Variants in CEP41 observed in about 807,000 individuals in gnomAD.
CEP41 encodes centrosomal protein of 41 kDa.
CEP41 carries 32 observed loss-of-function variants against 44.3 expected under a neutral mutation model. The ratio of observed to expected loss-of-function variants is 0.72; its 90% CI spans 0.54 to 0.97. The LOEUF (loss-of-function observed/expected upper bound fraction) is 0.97, where lower values mean the gene tolerates loss of function less well. CEP41 is among the 50% of genes least tolerant of loss of function. The probability of loss-of-function intolerance (pLI) is 0.00; values close to 1 mark genes in which losing one functional copy is unlikely to be tolerated. For missense variants in CEP41, 432 were observed against 455.2 expected (o/e 0.95, Z 0.46); for synonymous variants, 151 against 168.5 (o/e 0.90, Z 0.80).
chr7:130,425,628 T>G (rs1554423208), intron 2 of CEP41, among the ~76,000 whole-genome samples: 1 of 152,230 alleles, frequency 6.6e-6, no homozygotes, highest in East Asian at 1.9e-4. Flanking sequence ...AACTACATTG[T>G]GACCAGCAGT....
chr7:130,401,071 A>G (rs111795030), intron 8 of CEP41: 489 of 477,786 alleles, frequency 1.0e-3, no homozygotes, highest in Non-Finnish European at 1.7e-3. Context: ...CGGACTTTAC[A>G]TCCTTTAGCT....
At chr7:130,441,379 C>T (rs985989943), upstream of CEP41, 3 of 371,704 alleles carry the variant, frequency 8.1e-6, no homozygotes, top group Admixed American at 7.5e-5. Flanking sequence ...CTCCCCATCC[C>T]CCAGCTCCGT....
chr7:130,409,511 G>GT (rs1797111133), intron 5 of CEP41, among the ~76,000 whole-genome samples: 1 of 152,156 alleles, frequency 6.6e-6, no homozygotes, highest in South Asian at 2.1e-4. Context: ...AATTCCTGTC[G>GT]TTTTCAGATT....
Position 130,402,669 on chromosome 7 carries a change from G to C in CEP41, c.553C>G (p.Gln185Glu), listed in dbSNP as rs782587361. Reference protein sequence around the residue: ...LLDVRDRDSYQQCHIVGAYSY... With the variant: ...LLDVRDRDSYEQCHIVGAYSY... ...TTACCTCCAACAATGTGGCACTGCTGGTAAGAATCTCTATCACGCACATCT... is the reference window on the plus strand; with the variant it reads ...TTACCTCCAACAATGTGGCACTGCTCGTAAGAATCTCTATCACGCACATCT... Residue 185 changes from glutamine (Q) to glutamate (E), a missense_variant, in exon 7 of 11, where the codon CAG becomes GAG. By Grantham distance (29) the Gln-to-Glu change is conservative. Coordinates refer to ENST00000223208, the MANE Select transcript of CEP41 (RefSeq NM_018718.3). 8 of 1,614,132 alleles carry C rather than the reference G, an allele frequency of 5.0e-6. No homozygotes were observed. The highest frequency in any genetic ancestry group is 6.8e-6 in the Non-Finnish European group (8 of 1,180,006).
Position 130,393,953 on chromosome 7 carries a change from G to A in CEP41, c.*4938C>T. 2.2e-6 allele frequency: 1 copy of A among 454,118 alleles called. No individual in the cohort carries two copies. The highest frequency in any genetic ancestry group is 4.4e-6 in the Non-Finnish European group (1 of 226,800). The allele number at this position is 454,118 out of a possible 1,614,324, so 28.1% of individuals were successfully genotyped here. On this transcript the variant is annotated 3_prime_UTR_variant, in exon 11 of 11. Coordinates refer to ENST00000223208, the MANE Select transcript of CEP41 (RefSeq NM_018718.3). Reference sequence around the variant, plus strand: ...GAGCACCTGTCTTCAAGATAAGACAGCAGACACAGGCGGTGGAAATGTGGA... The same window carrying A: ...GAGCACCTGTCTTCAAGATAAGACAACAGACACAGGCGGTGGAAATGTGGA...
intron 3 of CEP41, among the ~76,000 whole-genome samples, chr7:130,416,622 C>T (rs1325377410): frequency 6.6e-6 from 1 of 152,198 alleles, no homozygotes; most frequent in Non-Finnish European, 1.5e-5. Context: ...GACTGCAGTA[C>T]AATGACACTA....
chr7:130,422,676 A>G (rs1287355869), intron 2 of CEP41, among the ~76,000 whole-genome samples: 2 of 152,154 alleles, frequency 1.3e-5, no homozygotes, highest in African/African-American at 4.8e-5. Flanking sequence ...TGAAACAACA[A>G]AAAAAATCGA....
In CEP41 at chr7:130,396,151, T is replaced by C. The variant is rs1266570278; in HGVS notation, c.*2740A>G. On this transcript the variant is annotated 3_prime_UTR_variant, in exon 11 of 11. Transcript: ENST00000223208. Reference sequence around the variant, plus strand: ...ACAAACCCCTTTAAAGCATTTAAGGTATTATTTAAACTTTGGCCATCACTG... The same window carrying C: ...ACAAACCCCTTTAAAGCATTTAAGGCATTATTTAAACTTTGGCCATCACTG... 5 of 453,928 alleles carry C rather than the reference T, an allele frequency of 1.1e-5. No individual in the cohort carries two copies. The highest frequency in any genetic ancestry group is 1.8e-5 in the Non-Finnish European group (4 of 226,792). 28.1% of individuals were successfully genotyped at this position (453,928 alleles called of 1,614,324 possible). A position where few individuals can be genotyped will look rare whatever the true frequency, so the allele number is the denominator to read the frequency against.
At chr7:130,399,495 T>G (rs1796776829) in intron 10 of CEP41, 2 of 226,684 alleles carry the variant, frequency 8.8e-6, no homozygotes, top group South Asian at 1.4e-4. Flanking sequence ...ACTCCTCAAT[T>G]TTACCTGAGA....
chr7:130,439,976 C>G (rs1798094254), intron 1 of CEP41, among the ~76,000 whole-genome samples: 1 of 152,216 alleles, frequency 6.6e-6, no homozygotes, highest in Non-Finnish European at 1.5e-5. Flanking sequence ...ACACTGTACT[C>G]AAATTCTGTT....
At chr7:130,401,986 C>G (rs1176888379) in intron 7 of CEP41, 38 bp from the exon 8 acceptor site, 6 of 1,425,658 alleles carry the variant, frequency 4.2e-6, no homozygotes, top group Non-Finnish European at 5.9e-6. Context: ...GTCTGTTGTT[C>G]TCTTAATACA....
intron 2 of CEP41, chr7:130,417,292 C>G (rs782668104): frequency 2.6e-4 from 296 of 1,130,682 alleles, no homozygotes; most frequent in Non-Finnish European, 3.1e-4. Context: ...CCTTTTATCT[C>G]CCCTGCCCCC....
chr7:130,410,493 T>C (rs1554419356), intron 5 of CEP41, among the ~76,000 whole-genome samples: 1 of 152,230 alleles, frequency 6.6e-6, no homozygotes, highest in Non-Finnish European at 1.5e-5. Flanking sequence ...CTTAGATTTG[T>C]AACTCAGGTC....
chr7:130,412,317 G>T (rs1797207810), intron 3 of CEP41, 77 bp from the exon 4 acceptor site: 1 of 770,852 alleles, frequency 1.3e-6, no homozygotes, highest in Admixed American at 1.9e-5. Flanking sequence ...AAGTGACGTG[G>T]TCTTTCAAGT....
rs1554413832 is a variant in CEP41, at chr7:130,394,724, C to T, written c.*4167G>A. 4 of 454,128 alleles carry T rather than the reference C, an allele frequency of 8.8e-6. No homozygotes were observed. Among genetic ancestry groups the T allele is most frequent in the South Asian group, 6.2e-5 (4 of 64,476 alleles). The allele number at this position is 454,128 out of a possible 1,614,324, so 28.1% of individuals were successfully genotyped here. On this transcript the variant is annotated 3_prime_UTR_variant, in exon 11 of 11. Transcript: ENST00000223208. ...TGAGTGGCCACCACAGTGGGCATCA[C>T]ATCCAAACTTCAATCTTGACAGGTT...
At chr7:130,424,029 G>C (rs146736151) in intron 2 of CEP41, among the ~76,000 whole-genome samples, 1 of 152,164 alleles carries the variant, frequency 6.6e-6, no homozygotes. Flanking sequence ...CATTTAAAAA[G>C]TAAATGTAAA....
chr7:130,427,765 T>A (rs1797707100), intron 2 of CEP41, among the ~76,000 whole-genome samples, 190 bp downstream of exon 2: 1 of 152,232 alleles, frequency 6.6e-6, no homozygotes, highest in Non-Finnish European at 1.5e-5. Context: ...ATAAGCTAAA[T>A]TATGTAAATA....
rs144816217 is a variant in CEP41, at chr7:130,426,186, C to T, written c.97+1769G>A. On this transcript the variant is annotated intron_variant, in intron 2 of 10. Transcript: ENST00000223208. ...TGGAATCTCTCTGCATTATTGTCTACAAAATATATATGTATCTACAATTAT... is the reference window on the plus strand; with the variant it reads ...TGGAATCTCTCTGCATTATTGTCTATAAAATATATATGTATCTACAATTAT... Among the ~76,000 whole-genome samples the T allele has an allele frequency of 7.4e-4, 113 of 152,036 alleles. 1 individual carries two copies. The East Asian group carries it at 0.021, about 29-fold the overall frequency.
chr7:130,414,828 G>A (rs1797286029), intron 3 of CEP41, among the ~76,000 whole-genome samples: 2 of 152,254 alleles, frequency 1.3e-5, no homozygotes, highest in South Asian at 4.1e-4. Context: ...CCTCGCAAGA[G>A]CGAACAGAGC....
Sources: allele counts gnomAD v4.1 joint callset (sites outside exome capture counted in the v4.1 genomes callset), GRCh38; gene constraint gnomAD v4.1.1; transcripts MANE v1.5; gene names NCBI Gene and HGNC (gene_info 2026-07-23, HGNC 2026-07-21).